The following MAGI2 variants were observed in gnomAD, a reference collection of about 807,000 sequenced individuals.
MAGI2 encodes membrane-associated guanylate kinase, WW and PDZ domain-containing protein 2.
In MAGI2, 35 loss-of-function variants were observed where a neutral mutation model predicts 133.3. The observed-to-expected ratio is 0.26, with a 90% CI of 0.20 to 0.35. The LOEUF (loss-of-function observed/expected upper bound fraction) is 0.35, where lower values mean the gene tolerates loss of function less well. Ranked by LOEUF, MAGI2 falls within the 10% of genes least tolerant of loss-of-function variation. The probability of loss-of-function intolerance (pLI) is 1.00; values close to 1 mark genes in which losing one functional copy is unlikely to be tolerated. For missense variants in MAGI2, 1,636 were observed against 1,863.4 expected (o/e 0.88, Z 2.25); for synonymous variants, 729 against 710.6 (o/e 1.03, Z -0.41).
chr7:78,944,575 A>G (rs1801254196), intron 2 of MAGI2, among the ~76,000 whole-genome samples: 2 of 152,256 alleles, frequency 1.3e-5, no homozygotes, highest in African/African-American at 4.8e-5. Context: ...CATTAAATAA[A>G]TAAAAGTGAC....
intron 2 of MAGI2, among the ~76,000 whole-genome samples, chr7:78,851,967 T>C (rs945538497): frequency 2.0e-5 from 3 of 152,048 alleles, no homozygotes; most frequent in African/African-American, 7.2e-5. Context: ...AATAAGAAAA[T>C]CTTACCCAAA....
At chr7:79,182,892 T>C (rs985515908) in intron 1 of MAGI2, among the ~76,000 whole-genome samples, 3 of 151,918 alleles carry the variant, frequency 2.0e-5, no homozygotes, top group African/African-American at 4.8e-5. Flanking sequence ...AATCATGTCA[T>C]TTGCAGCAAC....
chr7:78,981,283 C>T (rs1804761114), intron 2 of MAGI2, among the ~76,000 whole-genome samples: 2 of 151,468 alleles, frequency 1.3e-5, no homozygotes, highest in Non-Finnish European at 3.0e-5. Context: ...AATTTCAATT[C>T]CTCTCCTCTC....
chr7:78,361,282 T>C (rs542604978), intron 7 of MAGI2, among the ~76,000 whole-genome samples: 20 of 151,716 alleles, frequency 1.3e-4, no homozygotes, highest in Non-Finnish European at 2.8e-4. Flanking sequence ...TAATCCCAGC[T>C]ACTTGGGGGG....
chr7:78,052,790 C>T (rs960398324), intron 21 of MAGI2, among the ~76,000 whole-genome samples: 4 of 152,002 alleles, frequency 2.6e-5, no homozygotes, highest in Non-Finnish European at 5.9e-5. Flanking sequence ...TTTTGCTCTT[C>T]AAAGTTACCC....
intron 2 of MAGI2, among the ~76,000 whole-genome samples, chr7:78,916,225 TA>T (rs1798785270): frequency 6.6e-6 from 1 of 152,112 alleles, no homozygotes; most frequent in African/African-American, 2.4e-5. Context: ...TTTTTTTAAA[TA>T]AATGAAATAA....
rs1290058329 is a variant in MAGI2, at chr7:79,224,183, A to G, written c.302-216977T>C. Reference sequence around the variant, plus strand: ...ACTGTTCTTGTTGACTCTCCCTCATATCTACCCCAAGGTCTCCTCCAACCC... The same window carrying G: ...ACTGTTCTTGTTGACTCTCCCTCATGTCTACCCCAAGGTCTCCTCCAACCC... On this transcript the variant is annotated intron_variant, in intron 1 of 21. Transcript: ENST00000354212. Among the ~76,000 whole-genome samples the G allele has an allele frequency of 2.0e-5, 3 of 151,958 alleles. No homozygotes were observed. The East Asian group carries it at 5.8e-4, about 29-fold the overall frequency.
At chr7:78,518,016 T>C (rs946848123) in intron 4 of MAGI2, 6 of 149,608 alleles carry the variant, frequency 4.0e-5, no homozygotes, top group African/African-American at 1.5e-4. Flanking sequence ...AAAAAAAAAA[T>C]AGGAATCAGA....
chr7:78,907,504 G>A (rs1202131676), intron 2 of MAGI2, among the ~76,000 whole-genome samples: 1 of 152,122 alleles, frequency 6.6e-6, no homozygotes, highest in Non-Finnish European at 1.5e-5. Context: ...AGCTCGCTAA[G>A]TGAAAGGGCA....
intron 2 of MAGI2, among the ~76,000 whole-genome samples, chr7:78,824,732 C>T (rs1790470764): frequency 6.6e-6 from 1 of 152,126 alleles, no homozygotes; most frequent in Admixed American, 6.5e-5. Flanking sequence ...TGCCTGTTCA[C>T]ACTGCTGTTA....
chr7:79,329,991 T>A (rs1007685756), intron 1 of MAGI2, among the ~76,000 whole-genome samples: 4 of 152,076 alleles, frequency 2.6e-5, no homozygotes, highest in Non-Finnish European at 5.9e-5. Flanking sequence ...GGATTGATTT[T>A]AAAAATATCC....
intron 2 of MAGI2, among the ~76,000 whole-genome samples, chr7:78,641,523 C>A (rs1001276324): frequency 1.4e-4 from 22 of 152,172 alleles, no homozygotes; most frequent in Non-Finnish European, 2.5e-4. Flanking sequence ...CCCACCCCTA[C>A]ATTAGGTTTT....
intron 2 of MAGI2, among the ~76,000 whole-genome samples, chr7:78,910,205 T>C (rs1282817545): frequency 1.3e-5 from 2 of 151,022 alleles, no homozygotes; most frequent in Non-Finnish European, 2.9e-5. Context: ...ATGGCACACG[T>C]AGACCTATGT....
intron 3 of MAGI2, among the ~76,000 whole-genome samples, chr7:78,573,636 C>T (rs1232214054): frequency 1.3e-5 from 2 of 150,524 alleles, no homozygotes; most frequent in East Asian, 2.0e-4. Flanking sequence ...TTTTGTCTTT[C>T]GGGTTTGAGA....
intron 16 of MAGI2, among the ~76,000 whole-genome samples, chr7:78,146,712 A>G (rs2150571353): frequency 6.6e-6 from 1 of 152,296 alleles, no homozygotes; most frequent in African/African-American, 2.4e-5. Context: ...CTTGGCTCTG[A>G]GTAACTTCTC....
intron 2 of MAGI2, among the ~76,000 whole-genome samples, chr7:78,697,270 A>T (rs1459092924): frequency 6.6e-6 from 1 of 152,178 alleles, no homozygotes; most frequent in East Asian, 1.9e-4. Flanking sequence ...TGGAAATTTA[A>T]GCCTGTTGTT....
chr7:78,788,425 T>G (rs1437929253), intron 2 of MAGI2, among the ~76,000 whole-genome samples: 2 of 152,180 alleles, frequency 1.3e-5, no homozygotes, highest in Non-Finnish European at 2.9e-5. Context: ...TCCATTTTAT[T>G]TGGTCTTTTT....
At chr7:78,355,864 A>G (rs924278936) in intron 7 of MAGI2, among the ~76,000 whole-genome samples, 2 of 152,186 alleles carry the variant, frequency 1.3e-5, no homozygotes, top group Non-Finnish European at 2.9e-5. Flanking sequence ...TATTAAATAT[A>G]TTTTTTAAAG....
intron 1 of MAGI2, among the ~76,000 whole-genome samples, chr7:79,441,592 T>A (rs1848499690): frequency 6.6e-6 from 1 of 152,146 alleles, no homozygotes; most frequent in Non-Finnish European, 1.5e-5. Context: ...AGACAGTATT[T>A]TGCACATTCA....
Sources: allele counts gnomAD v4.1 joint callset (sites outside exome capture counted in the v4.1 genomes callset), GRCh38; gene constraint gnomAD v4.1.1; transcripts MANE v1.5; gene names NCBI Gene and HGNC (gene_info 2026-07-23, HGNC 2026-07-21).